RELN: variants seen among roughly 807,000 people sequenced by gnomAD.
The protein encoded by RELN is reelin.
RELN carries 108 observed loss-of-function variants against 427.6 expected under a neutral mutation model. The observed-to-expected ratio is 0.25, with a 90% CI of 0.22 to 0.30. RELN has a LOEUF of 0.30. Ranked by LOEUF, RELN falls within the 10% of genes least tolerant of loss-of-function variation. RELN has a pLI of 1.00. For synonymous variants in RELN, 1,524 were observed against 1,513.4 expected, an observed-to-expected ratio of 1.01 and a Z score of -0.16; for missense variants, 3,715 against 4,302.8, an observed-to-expected ratio of 0.86 and a Z score of 3.82.
chr7:103,813,681 T>A (rs1006455818), intron 3 of RELN, among the ~76,000 whole-genome samples: 1 of 152,140 alleles, frequency 6.6e-6, no homozygotes, highest in Admixed American at 6.5e-5. Flanking sequence ...TCTTATGCCA[T>A]GAGCATAGCA....
intron 2 of RELN, among the ~76,000 whole-genome samples, chr7:103,904,953 GC>G (rs1197596214): frequency 2.7e-5 from 4 of 146,338 alleles, no homozygotes; most frequent in African/African-American, 1.0e-4. Flanking sequence ...AGGCTGGACT[GC>G]CAATCCCTTG....
intron 2 of RELN, among the ~76,000 whole-genome samples, chr7:103,854,442 T>C (rs1793896540): frequency 6.6e-6 from 1 of 152,212 alleles, no homozygotes. Flanking sequence ...TTTTTTCTGA[T>C]TGCTTTTTTA....
rs1016874114 is a variant in RELN at position 103,626,967 on chromosome 7, A to G, written c.2702+2973T>C. Among the ~76,000 whole-genome samples the G allele has an allele frequency of 2.6e-5, 4 of 152,126 alleles. 1 individual carries two copies. Among genetic ancestry groups the G allele is most frequent in the African/African-American group, 4.8e-5 (2 of 41,458 alleles). On this transcript the variant is annotated intron_variant, in intron 20 of 64. Coordinates refer to ENST00000428762, the MANE Select transcript of RELN (RefSeq NM_005045.4). The surrounding 1 kb of genome is among the most constrained non-coding windows in gnomAD (Gnocchi z 4.4). ...CTGGAAAAAAGTGCTCTAGGATGAC[A>G]TACTGGAAAGTGATTTGTAGCATAC...
intron 3 of RELN, among the ~76,000 whole-genome samples, chr7:103,814,407 T>C (rs1478526739): frequency 1.3e-5 from 2 of 152,218 alleles, no homozygotes; most frequent in African/African-American, 4.8e-5. Context: ...TGAATTCTAG[T>C]TAGTGCTATA....
Position 103,698,128 on chromosome 7 carries a change from G to A in RELN, c.903-35C>T, listed in dbSNP as rs781757733. 50 of 1,612,660 alleles carry A rather than the reference G, an allele frequency of 3.1e-5. No individual in the cohort carries two copies. The Admixed American group carries it at 4.2e-4, about 13-fold the overall frequency. On this transcript the variant is annotated intron_variant, in intron 9 of 64. Transcript: ENST00000428762. ...ACAGAGAGATGGCAAGTTTAGCAAT[G>A]CTGACTTTTTCTTTCTTAGAGATGA...
At chr7:103,638,039 TGATAAA>T (rs1381211079) in intron 17 of RELN, among the ~76,000 whole-genome samples, 8 of 151,874 alleles carry the variant, frequency 5.3e-5, no homozygotes, top group Non-Finnish European at 1.2e-4. Flanking sequence ...GATATAATGC[TGATAAA>T]GATAAAGTAG....
chr7:103,540,052 A>C, intron 44 of RELN, 145 bp downstream of exon 44: 1 of 803,682 alleles, frequency 1.2e-6, no homozygotes, highest in Non-Finnish European at 2.1e-6. Flanking sequence ...GCCATATCTA[A>C]TCTAGCTGCG....
intron 2 of RELN, among the ~76,000 whole-genome samples, chr7:103,885,648 T>G (rs1794711049): frequency 6.6e-6 from 1 of 152,130 alleles, no homozygotes; most frequent in African/African-American, 2.4e-5. Context: ...GATGACGGGT[T>G]GATGGGTGCA....
At chr7:103,964,520 G>A (rs1796624211) in intron 1 of RELN, among the ~76,000 whole-genome samples, 1 of 152,038 alleles carries the variant, frequency 6.6e-6, no homozygotes, top group Non-Finnish European at 1.5e-5. Context: ...GCTCAGTTAG[G>A]GCACAACTTA....
chr7:103,504,972 A>G (rs1829158627), intron 51 of RELN, among the ~76,000 whole-genome samples: 1 of 152,126 alleles, frequency 6.6e-6, no homozygotes, highest in Admixed American at 6.6e-5. Context: ...GAAGTTTGAA[A>G]TGGGTGGAGC....
In RELN at chr7:103,626,479, T is replaced by C. The variant is rs1331245552; in HGVS notation, c.2702+3461A>G. Among the ~76,000 whole-genome samples, 2 of 152,018 alleles carry C rather than the reference T, an allele frequency of 1.3e-5. No individual in the cohort carries two copies. Among genetic ancestry groups the C allele is most frequent in the Non-Finnish European group, 2.9e-5 (2 of 67,946 alleles). On this transcript the variant is annotated intron_variant, in intron 20 of 64. Transcript: ENST00000428762. The surrounding 1 kb of genome is among the most constrained non-coding windows in gnomAD (Gnocchi z 4.4). ...GATTCTTGTGCCTCAACCTCCCAAA[T>C]AGCTGGGATTACAGGCATGTGTCAC...
rs182193290 is a variant in RELN, at chr7:103,775,385, C to A, written c.544+1172G>T. Among the ~76,000 whole-genome samples, 804 of 152,248 alleles carry A rather than the reference C, an allele frequency of 5.3e-3. 3 individuals carry two copies. The highest frequency in any genetic ancestry group is 0.021 in the South Asian group (99 of 4,822). ...TAATTCAAGAACTATGTGTGTAAAT[C>A]ATCAGGATTTTGCCATTAATAATCA... On this transcript the variant is annotated intron_variant, in intron 4 of 64. Transcript: ENST00000428762.
At position 103,611,789 on chromosome 7, in the gene RELN, G is replaced by C. The variant is rs1174257090; in HGVS notation, c.2717C>G (p.Ser906Cys). Residue 906 changes from serine (S) to cysteine (C), a missense_variant, in exon 21 of 65, where the codon TCT (serine) becomes TGT (cysteine). By Grantham distance (112) the Ser-to-Cys change is moderately radical. Transcript: ENST00000428762. The part of the protein sequence containing the change: ...HDWTLCFTGD[S>C]KLASSMRYVE... Reference sequence around the variant, plus strand: ...ATAGCGCATACTTGAGGCAAGTTTAGAATCTCCTGTAAAACTGAAAGAGAC... The same window carrying C: ...ATAGCGCATACTTGAGGCAAGTTTACAATCTCCTGTAAAACTGAAAGAGAC... The C allele has an allele frequency of 6.2e-7, 1 of 1,613,414 alleles. No individual in the cohort carries two copies. The highest frequency in any genetic ancestry group is 8.5e-7 in the Non-Finnish European group (1 of 1,179,484).
intron 18 of RELN, 81 bp downstream of exon 18, chr7:103,636,154 T>C: frequency 4.2e-6 from 4 of 958,460 alleles, no homozygotes; most frequent in East Asian, 2.6e-5. Flanking sequence ...AGAAAAAATA[T>C]AAGAAATAAA....
chr7:103,786,929 T>A (rs1792032863), intron 3 of RELN, among the ~76,000 whole-genome samples: 1 of 152,016 alleles, frequency 6.6e-6, no homozygotes, highest in Non-Finnish European at 1.5e-5. Flanking sequence ...ACACTTATTC[T>A]AAAATTGACC....
chr7:103,725,467 C>CTGAGGTGGCAGGA (rs71154365), intron 7 of RELN, among the ~76,000 whole-genome samples: 1 of 151,770 alleles, frequency 6.6e-6, no homozygotes, highest in African/African-American at 2.4e-5. Flanking sequence ...AGGCAGGAGG[C>CTGAGGTGGCAGGA]TGAGGTCATA....
At chr7:103,983,960 T>C (rs1019293089) in intron 1 of RELN, among the ~76,000 whole-genome samples, 2 of 152,134 alleles carry the variant, frequency 1.3e-5, no homozygotes, top group African/African-American at 4.8e-5. Flanking sequence ...GCTTTTCAAA[T>C]GTAAAGGTTA....
chr7:103,988,966 A>G lies in RELN; in HGVS notation c.226+165T>C, dbSNP rs1797161175. 6.6e-6 allele frequency among the ~76,000 whole-genome samples: 1 copy of G among 152,120 alleles called. No individual in the cohort carries two copies. Among genetic ancestry groups the G allele is most frequent in the African/African-American group, 2.4e-5 (1 of 41,436 alleles). ...AGAATGAATCCCAACTTGTGACTCC[A>G]TTCTCCACTAACTTTATTCTCGCTC... On this transcript the variant is annotated intron_variant, in intron 1 of 64. Coordinates refer to ENST00000428762, the MANE Select transcript of RELN (RefSeq NM_005045.4). This position sits in a 1 kb window ranked among gnomAD's most constrained non-coding sequence, Gnocchi z 4.9.
intron 1 of RELN, among the ~76,000 whole-genome samples, chr7:103,930,872 GT>G (rs1421947623): frequency 9.4e-6 from 1 of 106,708 alleles, no homozygotes; most frequent in Non-Finnish European, 1.7e-5. Flanking sequence ...GAGCATATGT[GT>G]GTGTGTGTGT....
Sources: gnomAD v4.1 joint callset for allele counts (sites outside exome capture counted in the v4.1 genomes callset) on GRCh38, gnomAD v4.1.1 for gene constraint, Gnocchi (gnomAD v3.1) non-coding constraint, MANE v1.5 for transcripts, NCBI Gene and HGNC (gene_info 2026-07-23, HGNC 2026-07-21) for gene names.